Variants in GLI3 observed in about 807,000 individuals in gnomAD.
GLI3 encodes transcription activator GLI3.
GLI3 carries 20 observed loss-of-function variants against 100.8 expected under a neutral mutation model. The ratio of observed to expected loss-of-function variants is 0.20; its 90% CI spans 0.14 to 0.29. GLI3 has a LOEUF of 0.29. Among genes scored for constraint, GLI3 ranks in the 10% least tolerant of loss-of-function variants. The pLI, the probability that GLI3 is intolerant of heterozygous loss-of-function variation, is 1.00. For synonymous variants in GLI3, 938 were observed against 860.5 expected, an observed-to-expected ratio of 1.09 and a Z score of -1.58; for missense variants, 2,040 against 2,128.5, an observed-to-expected ratio of 0.96 and a Z score of 0.82.
rs754320659 is a variant in GLI3 at position 42,045,474 on chromosome 7, CAGTTAGCAGGGCCATCTGATG to C, written c.715_735del (p.His239_Thr245del). ...ATGTCTGCATAGGGGCTGCGCTGGC[CAGTTAGCAGGGCCATCTGATG>C]ATAGTATTCTGCTGGGCTGACTCCT... is the stretch of plus-strand genomic sequence containing the variant. On this transcript the variant is annotated inframe_deletion, in exon 6 of 15. Coordinates refer to ENST00000395925, the MANE Select transcript of GLI3 (RefSeq NM_000168.6). 5 of 1,614,074 alleles carry C rather than the reference CAGTTAGCAGGGCCATCTGATG, an allele frequency of 3.1e-6. No homozygotes were observed. Among genetic ancestry groups the C allele is most frequent in the Middle Eastern group, 1.7e-4 (1 of 6,060 alleles).
chr7:42,113,388 G>C (rs1785766182), intron 3 of GLI3: 1 of 696,196 alleles, frequency 1.4e-6, no homozygotes, highest in Admixed American at 1.8e-5. Context: ...AGGCTGAGGG[G>C]GATGCTGAAG....
intron 3 of GLI3, chr7:42,118,460 C>T (rs1562740045): frequency 5.1e-6 from 2 of 395,410 alleles, no homozygotes; most frequent in Non-Finnish European, 8.9e-6. Context: ...GTCTAACACA[C>T]AGCAACTAGA....
rs1008428841 is a variant in GLI3 at position 42,152,825 on chromosome 7, T to C, written c.125-4357A>G. Among the ~76,000 whole-genome samples the C allele has an allele frequency of 3.3e-5, 5 of 152,160 alleles. No homozygotes were observed. The East Asian group carries it at 9.7e-4, about 29-fold the overall frequency. On this transcript the variant is annotated intron_variant, in intron 2 of 14. Transcript: ENST00000395925. ...TTAAGAACAGGCTCCACTCCACATA[T>C]TGCCACTAGCAGGATTGTACAGGAA...
chr7:41,980,497 TA>T (rs1199255268), intron 10 of GLI3, among the ~76,000 whole-genome samples: 1 of 152,038 alleles, frequency 6.6e-6, no homozygotes, highest in Non-Finnish European at 1.5e-5. Context: ...GAAATGATCA[TA>T]CAAAAACACT....
At chr7:42,148,130 A>AGCGC in intron 3 of GLI3, 96 bp downstream of exon 3, 1 of 1,193,780 alleles carries the variant, frequency 8.4e-7, no homozygotes, top group Non-Finnish European at 1.1e-6. Context: ...AACTTCATAA[A>AGCGC]GCGCGCACAC....
intron 2 of GLI3, among the ~76,000 whole-genome samples, chr7:42,156,090 C>G (rs1021221481): frequency 2.0e-5 from 3 of 152,172 alleles, no homozygotes; most frequent in African/African-American, 7.2e-5. Context: ...CCCAAGGGTA[C>G]TAACCATCTT....
intron 1 of GLI3, among the ~76,000 whole-genome samples, chr7:42,251,899 G>A (rs905980540): frequency 6.6e-6 from 1 of 151,918 alleles, no homozygotes; most frequent in East Asian, 1.9e-4. Flanking sequence ...TAGTGTGATC[G>A]AGTGGAACCA....
rs78466151 is a variant in GLI3, at chr7:42,122,417, C to T, written c.367+25809G>A. On this transcript the variant is annotated intron_variant, in intron 3 of 14. Transcript: ENST00000395925. ...GAACAGGAAACTAGACTGTTCTGTG[C>T]CTCAGGTATTCAAACTTCAATCACT... 9.7e-3 allele frequency among the ~76,000 whole-genome samples: 1,482 copies of T among 152,100 alleles called. 30 individuals carry two copies. The highest frequency in any genetic ancestry group is 0.034 in the African/African-American group (1,403 of 41,496).
intron 8 of GLI3, 83 bp from the exon 9 acceptor site, chr7:42,025,460 G>C: frequency 1.0e-6 from 1 of 955,466 alleles, no homozygotes; most frequent in Non-Finnish European, 1.7e-6. Flanking sequence ...TTGCCAACTC[G>C]GGACAAGCGG....
chr7:42,162,718 G>C (rs1787155087), intron 2 of GLI3, among the ~76,000 whole-genome samples: 1 of 152,128 alleles, frequency 6.6e-6, no homozygotes, highest in Non-Finnish European at 1.5e-5. Flanking sequence ...GTATGGACCA[G>C]CTAGAAAACG....
chr7:42,132,245 C>CGCCCGCCACCACGCCT lies in GLI3; in HGVS notation c.367+15980_367+15981insAGGCGTGGTGGCGGGC, dbSNP rs1554332098. On this transcript the variant is annotated intron_variant, in intron 3 of 14. Coordinates refer to ENST00000395925, the MANE Select transcript of GLI3 (RefSeq NM_000168.6). ...CCTCCCGAGTAGCTGGGACTACAGG[C>CGCCCGCCACCACGCCT]GCCCGCCACTACGCCCGGCTAATTT... Among the ~76,000 whole-genome samples, 143 of 145,606 alleles carry CGCCCGCCACCACGCCT rather than the reference C, an allele frequency of 9.8e-4. 1 individual carries two copies. Among genetic ancestry groups the CGCCCGCCACCACGCCT allele is most frequent in the African/African-American group, 3.7e-3 (136 of 37,122 alleles).
intron 4 of GLI3, among the ~76,000 whole-genome samples, chr7:42,054,323 G>A (rs878901995): frequency 6.6e-6 from 1 of 152,008 alleles, no homozygotes; most frequent in Admixed American, 6.6e-5. Context: ...TATCTTACTA[G>A]GTTACTAAAA....
intron 10 of GLI3, among the ~76,000 whole-genome samples, chr7:41,993,985 G>A (rs886691610): frequency 1.3e-5 from 2 of 151,834 alleles, no homozygotes; most frequent in African/African-American, 2.4e-5. Flanking sequence ...TGTTATAAAT[G>A]AAAAGAATTT....
rs560064684 is a variant in GLI3, at chr7:41,964,414, G to A, written c.4659C>T (p.Ser1553=). 3 of 1,613,880 alleles carry A rather than the reference G, an allele frequency of 1.9e-6. No individual in the cohort carries two copies. Among genetic ancestry groups the A allele is most frequent in the African/African-American group, 1.3e-5 (1 of 75,068 alleles). The change falls in exon 15 of 15, where the codon AGC becomes AGT. Residue 1553 remains serine, a synonymous_variant. Coordinates refer to ENST00000395925, the MANE Select transcript of GLI3 (RefSeq NM_000168.6). ...ASLPFPALSM[S]TTNMAIGDMS... ...TGTCCCCGATAGCCATGTTGGTGGT[G>A]CTCATGGACAGCGCTGGGAATGGGA...
chr7:42,014,843 A>T (rs1269545642), intron 10 of GLI3, among the ~76,000 whole-genome samples: 3 of 152,184 alleles, frequency 2.0e-5, no homozygotes, highest in Non-Finnish European at 4.4e-5. Flanking sequence ...CGATGGATCA[A>T]CAGCAGATGA....
At chr7:42,154,024 T>C (rs1288759466) in intron 2 of GLI3, among the ~76,000 whole-genome samples, 1 of 151,868 alleles carries the variant, frequency 6.6e-6, no homozygotes, top group African/African-American at 2.4e-5. Context: ...AGAGCTCTGT[T>C]CCTGGGTAGG....
chr7:42,185,077 G>C (rs7810704), intron 2 of GLI3, among the ~76,000 whole-genome samples: 18,989 of 100,066 alleles, frequency 0.19, 1,372 homozygotes, highest in Non-Finnish European at 0.25. Context: ...TCCCACCTGG[G>C]CATGCAGGCA....
chr7:42,088,449 T>C (rs141165561), intron 3 of GLI3, among the ~76,000 whole-genome samples: 373 of 152,358 alleles, frequency 2.4e-3, no homozygotes, highest in Admixed American at 4.4e-3. Context: ...TTTTGATTCT[T>C]AGCTTAATTC....
chr7:42,017,013 G>A (rs990123324), intron 10 of GLI3, among the ~76,000 whole-genome samples: 1 of 152,216 alleles, frequency 6.6e-6, no homozygotes, highest in African/African-American at 2.4e-5. Context: ...GGTACCACAT[G>A]GGCTGTCCCC....
Sources: gnomAD v4.1 joint callset for allele counts (sites outside exome capture counted in the v4.1 genomes callset) on GRCh38, gnomAD v4.1.1 for gene constraint, MANE v1.5 for transcripts, NCBI Gene and HGNC (gene_info 2026-07-23, HGNC 2026-07-21) for gene names.